Variants in BAZ2B observed in about 807,000 individuals in gnomAD.
BAZ2B encodes the protein bromodomain adjacent to zinc finger domain 2B, also known as bromodomain adjacent to zinc finger domain protein 2B.
Under a neutral mutation model 246.0 loss-of-function variants are expected in BAZ2B, and 91 were observed. That is an observed-to-expected ratio of 0.37 (90% CI 0.31 to 0.44). The LOEUF (loss-of-function observed/expected upper bound fraction) is 0.44, where lower values mean the gene tolerates loss of function less well. Ranked by LOEUF, BAZ2B falls within the 20% of genes least tolerant of loss-of-function variation. The pLI is 1.00. For missense variants in BAZ2B, 2,332 were observed against 2,533.7 expected (o/e 0.92, Z 1.71); for synonymous variants, 855 against 860.0 (o/e 0.99, Z 0.10).
At chr2:159,706,084 A>ACACACACAC in the BAZ2B span, among the ~76,000 whole-genome samples, 1 of 149,660 alleles carries the variant, frequency 6.7e-6, no homozygotes, top group East Asian at 2.0e-4. Flanking sequence ...AAACATATAT[A>ACACACACAC]ACACACACAC....
At chr2:159,591,860 A>C (rs1689464686) in intron 1 of BAZ2B, among the ~76,000 whole-genome samples, 1 of 152,224 alleles carries the variant, frequency 6.6e-6, no homozygotes, top group South Asian at 2.1e-4. Flanking sequence ...CTCTTTCTTT[A>C]AAATAATTGA....
the BAZ2B span, among the ~76,000 whole-genome samples, chr2:159,634,988 A>G: frequency 2.0e-5 from 3 of 152,238 alleles, no homozygotes; most frequent in African/African-American, 7.2e-5. Context: ...TGCTACAAAC[A>G]GGATTTTTTC....
intron 2 of BAZ2B, among the ~76,000 whole-genome samples, chr2:159,485,923 T>C (rs1216479689): frequency 6.6e-6 from 1 of 152,058 alleles, no homozygotes; most frequent in African/African-American, 2.4e-5. Flanking sequence ...TATCCAAGGG[T>C]AAAAGCAGTG....
the BAZ2B span, among the ~76,000 whole-genome samples, chr2:159,638,440 T>A: frequency 2.6e-5 from 4 of 152,222 alleles, no homozygotes; most frequent in Non-Finnish European, 4.4e-5. Context: ...AAGAGATATA[T>A]GACCTTTCAG....
chr2:159,414,057 C>A (rs1324767141), intron 13 of BAZ2B, among the ~76,000 whole-genome samples: 2 of 152,156 alleles, frequency 1.3e-5, no homozygotes, highest in African/African-American at 4.8e-5. Flanking sequence ...ATACACTACA[C>A]AATGGAGTAC....
intron 2 of BAZ2B, among the ~76,000 whole-genome samples, chr2:159,524,245 C>A (rs568984412): frequency 6.6e-6 from 1 of 151,888 alleles, no homozygotes; most frequent in African/African-American, 2.4e-5. Context: ...CACAGCAAGA[C>A]CCCATCTCTA....
At chr2:159,661,040 T>C in the BAZ2B span, among the ~76,000 whole-genome samples, 1 of 152,142 alleles carries the variant, frequency 6.6e-6, no homozygotes, top group African/African-American at 2.4e-5. Context: ...AGTGAATATA[T>C]CCATCACTCC....
chr2:159,684,789 ATCAT>A, the BAZ2B span, among the ~76,000 whole-genome samples: 1 of 152,268 alleles, frequency 6.6e-6, no homozygotes, highest in African/African-American at 2.4e-5. Context: ...TCTGGAAGAA[ATCAT>A]TTATTTTCTA....
At chr2:159,414,046 C>T (rs77933873) in intron 13 of BAZ2B, among the ~76,000 whole-genome samples, 5,940 of 152,170 alleles carry the variant, frequency 0.039, 165 homozygotes, top group African/African-American at 0.087. Flanking sequence ...ATGTGGTAAA[C>T]ATACACTACA....
chr2:159,420,230 C>T (rs1331056307), intron 13 of BAZ2B, among the ~76,000 whole-genome samples: 1 of 152,080 alleles, frequency 6.6e-6, no homozygotes, highest in African/African-American at 2.4e-5. Context: ...TGGGAAAATG[C>T]CTTTAGGGGA....
chr2:159,342,687 C>A (rs552701963), intron 31 of BAZ2B, among the ~76,000 whole-genome samples: 3 of 152,086 alleles, frequency 2.0e-5, no homozygotes, highest in African/African-American at 7.2e-5. Context: ...AAATCAAAAA[C>A]AAAAATCCAA....
At chr2:159,515,278 T>C (rs1464789094) in intron 2 of BAZ2B, among the ~76,000 whole-genome samples, 2 of 152,186 alleles carry the variant, frequency 1.3e-5, no homozygotes, top group East Asian at 3.9e-4. Flanking sequence ...AATAAGACTT[T>C]TGAGAAAAAG....
chr2:159,320,660 A>G (rs1450467788), intron 36 of BAZ2B, among the ~76,000 whole-genome samples: 1 of 152,216 alleles, frequency 6.6e-6, no homozygotes, highest in Non-Finnish European at 1.5e-5. Context: ...AGATCAAAAC[A>G]TATTTCAACT....
the BAZ2B span, among the ~76,000 whole-genome samples, chr2:159,678,404 A>G: frequency 5.9e-3 from 895 of 152,356 alleles, 7 homozygotes; most frequent in Non-Finnish European, 9.1e-3. Flanking sequence ...CCTAATTGCA[A>G]TATACTTTAT....
Position 159,386,600 on chromosome 2 carries a change from G to T in BAZ2B, c.3224C>A (p.Pro1075Gln). ...DMCLADQKPLPELPRIPGLVL... is the reference protein window; with the variant it reads ...DMCLADQKPLQELPRIPGLVL... ...AAGTCCTGGAATACGAGGCAACTCTGGCAAAGGCTGAAAATAAAATGAAAT... is the reference window on the plus strand; with the variant it reads ...AAGTCCTGGAATACGAGGCAACTCTTGCAAAGGCTGAAAATAAAATGAAAT... The change falls in exon 22 of 37, where the codon CCA becomes CAA. Residue 1075 changes from proline (P) to glutamine (Q), a missense_variant. Transcript: ENST00000392783. The T allele has an allele frequency of 6.3e-7, 1 of 1,593,922 alleles. No individual in the cohort carries two copies. Among genetic ancestry groups the T allele is most frequent in the Non-Finnish European group, 8.5e-7 (1 of 1,172,724 alleles).
chr2:159,370,090 T>C (rs1300585930), intron 27 of BAZ2B, among the ~76,000 whole-genome samples: 1 of 152,124 alleles, frequency 6.6e-6, no homozygotes, highest in African/African-American at 2.4e-5. Flanking sequence ...AAACACCGCA[T>C]GTTCTCTCTC....
intron 31 of BAZ2B, among the ~76,000 whole-genome samples, 187 bp downstream of exon 31, chr2:159,347,299 T>C (rs10172339): frequency 0.21 from 31,989 of 151,872 alleles, 3,791 homozygotes; most frequent in East Asian, 0.44. Flanking sequence ...TATATGACCA[T>C]TGGCACATTA....
At chr2:159,523,763 C>T (rs2084407842) in intron 2 of BAZ2B, among the ~76,000 whole-genome samples, 1 of 152,052 alleles carries the variant, frequency 6.6e-6, no homozygotes, top group African/African-American at 2.4e-5. Flanking sequence ...TCAGAATATT[C>T]TGTACATTAA....
the BAZ2B span, among the ~76,000 whole-genome samples, chr2:159,654,232 G>A: frequency 6.6e-6 from 1 of 152,284 alleles, no homozygotes; most frequent in African/African-American, 2.4e-5. Context: ...AGAATGAGAA[G>A]CCTGCCAAAG....
Sources: gnomAD v4.1 joint callset for allele counts (sites outside exome capture counted in the v4.1 genomes callset) on GRCh38, gnomAD v4.1.1 for gene constraint, MANE v1.5 for transcripts, NCBI Gene and HGNC (gene_info 2026-07-23, HGNC 2026-07-21) for gene names.